The following GLMN variants were observed in gnomAD, a reference collection of about 807,000 sequenced individuals.
GLMN encodes the protein glomulin, FKBP associated protein, also known as glomulin.
In GLMN, 75 loss-of-function variants were observed where a neutral mutation model predicts 87.8. The observed-to-expected ratio is 0.85, with a 90% CI of 0.71 to 1.04. The LOEUF (loss-of-function observed/expected upper bound fraction) is 1.04, where lower values mean the gene tolerates loss of function less well. GLMN is among the 50% of genes least tolerant of loss of function. The pLI, the probability that GLMN is intolerant of heterozygous loss-of-function variation, is 0.00. For synonymous variants in GLMN, 206 were observed against 221.6 expected (o/e 0.93, Z 0.63); for missense variants, 588 against 658.8 (o/e 0.89, Z 1.18).
At chr1:92,345,934 TTAACTC>T in the GLMN span, 2,251 of 1,524,882 alleles carry the variant, frequency 1.5e-3, 16 homozygotes, top group African/African-American at 0.028. Context: ...CTCTCAGATT[TTAACTC>T]TAAATACTAA....
the GLMN span, among the ~76,000 whole-genome samples, chr1:92,308,101 A>T: frequency 2.0e-5 from 3 of 152,222 alleles, no homozygotes; most frequent in East Asian, 5.8e-4. Context: ...CAAACCTTGA[A>T]GTCTTTTCTG....
chr1:92,298,649 G>A (rs1270618334), intron 1 of GLMN, among the ~76,000 whole-genome samples: 1 of 152,176 alleles, frequency 6.6e-6, no homozygotes, highest in South Asian at 2.1e-4. Flanking sequence ...TTCAGGAGGA[G>A]ACCATCGCTT....
chr1:92,266,170 G>C (rs1265847360), intron 13 of GLMN, among the ~76,000 whole-genome samples: 1 of 152,022 alleles, frequency 6.6e-6, no homozygotes, highest in Non-Finnish European at 1.5e-5. Context: ...TTCAAATTTA[G>C]AGTATTCCAA....
the GLMN span, among the ~76,000 whole-genome samples, chr1:92,341,228 C>T: frequency 2.6e-5 from 4 of 152,006 alleles, no homozygotes; most frequent in African/African-American, 4.8e-5. Flanking sequence ...AGGCTGGTCT[C>T]GAACTCCTGA....
the GLMN span, among the ~76,000 whole-genome samples, chr1:92,347,743 T>A: frequency 6.6e-6 from 1 of 152,214 alleles, no homozygotes; most frequent in Non-Finnish European, 1.5e-5. Context: ...CTGAAAGCTT[T>A]GCTAGTCCTT....
chr1:92,331,690 A>G, the GLMN span, among the ~76,000 whole-genome samples: 1 of 152,108 alleles, frequency 6.6e-6, no homozygotes, highest in Non-Finnish European at 1.5e-5. Context: ...TTGCAAGATT[A>G]TTTATAGCCA....
At chr1:92,358,668 G>A in the GLMN span, among the ~76,000 whole-genome samples, 1 of 151,922 alleles carries the variant, frequency 6.6e-6, no homozygotes, top group South Asian at 2.1e-4. Context: ...GCTCACTAAA[G>A]CCTTAATCTC....
the GLMN span, among the ~76,000 whole-genome samples, chr1:92,362,484 A>G: frequency 6.6e-6 from 1 of 152,182 alleles, no homozygotes; most frequent in Non-Finnish European, 1.5e-5. Flanking sequence ...TTGTCCCACC[A>G]TTCGCTTTGA....
chr1:92,259,738 T>C (rs1335414857), intron 16 of GLMN, among the ~76,000 whole-genome samples: 1 of 131,618 alleles, frequency 7.6e-6, no homozygotes, highest in African/African-American at 3.4e-5. Flanking sequence ...CTTTCTTTTT[T>C]TTTTTTTTTT....
chr1:92,327,715 C>CTT, the GLMN span, among the ~76,000 whole-genome samples: 75 of 145,642 alleles, frequency 5.1e-4, no homozygotes, highest in African/African-American at 1.8e-3. Context: ...GCCTGAACAG[C>CTT]TTTTTTTTTT....
At position 92,271,410 on chromosome 1, in the gene GLMN, G is replaced by C. The variant is rs897563272; in HGVS notation, c.923+55C>G. On this transcript the variant is annotated intron_variant, in intron 8 of 18. Coordinates refer to ENST00000370360, the MANE Select transcript of GLMN (RefSeq NM_053274.3). ...CATATATTGGACATTAGATAAATGA[G>C]AATTTTATGAAATTCCTTTTAGAAT... 4 of 1,321,666 alleles carry C rather than the reference G, an allele frequency of 3.0e-6. No individual in the cohort carries two copies. In the Admixed American group the frequency reaches 5.0e-5, roughly 17 times the overall value. 81.9% of individuals were successfully genotyped at this position (1,321,666 alleles called of 1,614,324 possible).
chr1:92,329,074 T>C, the GLMN span, among the ~76,000 whole-genome samples: 1 of 152,146 alleles, frequency 6.6e-6, no homozygotes, highest in South Asian at 2.1e-4. Flanking sequence ...GGGTCCTTAA[T>C]TGTATTTTTT....
At chr1:92,305,758 A>C in the GLMN span, among the ~76,000 whole-genome samples, 2 of 152,222 alleles carry the variant, frequency 1.3e-5, no homozygotes, top group Non-Finnish European at 2.9e-5. Context: ...TAATCAGAGA[A>C]ATAGCAAATA....
chr1:92,257,040 A>G (rs1182665973), intron 16 of GLMN, among the ~76,000 whole-genome samples: 3 of 152,248 alleles, frequency 2.0e-5, no homozygotes, highest in African/African-American at 7.2e-5. Context: ...TTAAGCTGAT[A>G]AGCAACTTTG....
At chr1:92,308,106 T>C in the GLMN span, among the ~76,000 whole-genome samples, 3 of 152,172 alleles carry the variant, frequency 2.0e-5, no homozygotes, top group Non-Finnish European at 4.4e-5. Flanking sequence ...CTTGAAGTCT[T>C]TTCTGATGCG....
the GLMN span, among the ~76,000 whole-genome samples, chr1:92,327,927 G>A: frequency 2.4e-4 from 36 of 152,248 alleles, no homozygotes; most frequent in Non-Finnish European, 4.7e-4. Context: ...TAGTTTCGCT[G>A]GATACAAAAT....
At chr1:92,368,294 G>A in the GLMN span, among the ~76,000 whole-genome samples, 31 of 152,174 alleles carry the variant, frequency 2.0e-4, no homozygotes, top group Admixed American at 5.9e-4. Context: ...CAGGAGAATC[G>A]CCTGAACCCA....
chr1:92,251,043 T>G (rs1175101166), intron 16 of GLMN, among the ~76,000 whole-genome samples: 1 of 152,176 alleles, frequency 6.6e-6, no homozygotes, highest in African/African-American at 2.4e-5. Flanking sequence ...ATTTTTGCCT[T>G]TTCCAGAATG....
chr1:92,319,553 C>T, the GLMN span, among the ~76,000 whole-genome samples: 1 of 151,982 alleles, frequency 6.6e-6, no homozygotes, highest in Admixed American at 6.6e-5. Context: ...CAGTGGGGAG[C>T]GAGGGGTTGT....
Sources: allele counts gnomAD v4.1 joint callset (sites outside exome capture counted in the v4.1 genomes callset), GRCh38; gene constraint gnomAD v4.1.1; transcripts MANE v1.5; gene names NCBI Gene and HGNC (gene_info 2026-07-23, HGNC 2026-07-21).